Variants in SAMD3 observed in about 807,000 individuals in gnomAD.
The protein encoded by SAMD3 is sterile alpha motif domain-containing protein 3.
SAMD3 carries 63 observed loss-of-function variants against 58.5 expected under a neutral mutation model. That is an observed-to-expected ratio of 1.08 (90% CI 0.88 to 1.33). SAMD3 has a LOEUF of 1.33. Ranked by LOEUF, SAMD3 falls within the 40% of genes most tolerant of loss-of-function variation. The pLI, the probability that SAMD3 is intolerant of heterozygous loss-of-function variation, is 0.00. For synonymous variants in SAMD3, 220 were observed against 210.3 expected (o/e 1.05, Z -0.40); for missense variants, 604 against 608.4 (o/e 0.99, Z 0.08).
At position 130,356,552 on chromosome 6, in the gene SAMD3, G is replaced by A. The variant is rs540245799; in HGVS notation, c.-304+8568C>T. On this transcript the variant is annotated intron_variant, in intron 1 of 13. Transcript: ENST00000368134. Reference sequence around the variant, plus strand: ...ATATGTAATTATTATCTGCCCCTCCGGCATCTAAGTCATTAAGGGTGAAGA... The same window carrying A: ...ATATGTAATTATTATCTGCCCCTCCAGCATCTAAGTCATTAAGGGTGAAGA... 2.2e-4 allele frequency among the ~76,000 whole-genome samples: 33 copies of A among 152,084 alleles called. No individual in the cohort carries two copies. In the East Asian group the frequency reaches 2.3e-3, roughly 11 times the overall value.
At chr6:130,270,657 A>G (rs1254011036) in intron 2 of SAMD3, among the ~76,000 whole-genome samples, 2 of 152,350 alleles carry the variant, frequency 1.3e-5, no homozygotes, top group African/African-American at 4.8e-5. Context: ...TCTCCCCAGA[A>G]TATTTTCATG....
intron 2 of SAMD3, among the ~76,000 whole-genome samples, chr6:130,257,178 T>C (rs1323444207): frequency 2.0e-5 from 3 of 150,120 alleles, no homozygotes; most frequent in Admixed American, 1.3e-4. Context: ...TCTCTCCTTA[T>C]AAGGACAGAG....
At chr6:130,165,997 A>G (rs879257985) in intron 8 of SAMD3, among the ~76,000 whole-genome samples, 9 of 152,178 alleles carry the variant, frequency 5.9e-5, no homozygotes, top group Non-Finnish European at 1.3e-4. Context: ...CAGTAAGAGC[A>G]GGATCCCTCC....
At chr6:130,323,826 G>A (rs757961035) in intron 1 of SAMD3, among the ~76,000 whole-genome samples, 4,498 of 82,964 alleles carry the variant, frequency 0.054, 4 homozygotes, top group African/African-American at 0.099. Flanking sequence ...AAAAAAAAAA[G>A]AATTTCCCAT....
chr6:130,252,669 C>T (rs1396730866), intron 2 of SAMD3, among the ~76,000 whole-genome samples: 2 of 152,126 alleles, frequency 1.3e-5, no homozygotes, highest in African/African-American at 2.4e-5. Context: ...GGGTTTCTGC[C>T]GCCTGAAGTG....
intron 2 of SAMD3, among the ~76,000 whole-genome samples, chr6:130,251,480 CTG>C (rs1280820452): frequency 6.6e-6 from 1 of 151,232 alleles, no homozygotes; most frequent in Non-Finnish European, 1.5e-5. Flanking sequence ...AATTTTTCGT[CTG>C]TTTTTTTCTA....
chr6:130,337,922 G>C (rs554876248), intron 1 of SAMD3, among the ~76,000 whole-genome samples: 102 of 152,324 alleles, frequency 6.7e-4, no homozygotes, highest in African/African-American at 2.4e-3. Context: ...TTTCTGGGAA[G>C]AAATTCAAGT....
intron 2 of SAMD3, among the ~76,000 whole-genome samples, chr6:130,310,628 C>T (rs1035657664): frequency 2.6e-5 from 4 of 152,156 alleles, no homozygotes; most frequent in South Asian, 2.1e-4. Flanking sequence ...TTTTTCCAAG[C>T]AATAAATAAT....
intron 1 of SAMD3, among the ~76,000 whole-genome samples, chr6:130,363,693 A>G (rs1778050818): frequency 6.6e-6 from 1 of 152,180 alleles, no homozygotes; most frequent in Admixed American, 6.5e-5. Flanking sequence ...CTCTGTTAGT[A>G]GGTGGTGGAG....
At chr6:130,305,094 C>T (rs1406652180) in intron 2 of SAMD3, among the ~76,000 whole-genome samples, 4 of 151,836 alleles carry the variant, frequency 2.6e-5, no homozygotes, top group Non-Finnish European at 5.9e-5. Flanking sequence ...ATCAGCATGC[C>T]CTGCTAACTT....
At chr6:130,354,605 T>C (rs1348426532) in intron 1 of SAMD3, among the ~76,000 whole-genome samples, 1 of 152,050 alleles carries the variant, frequency 6.6e-6, no homozygotes, top group African/African-American at 2.4e-5. Context: ...TTCTCACTTA[T>C]AAGTGGGAGC....
At chr6:130,173,250 TGGA>T (rs758113559) in intron 8 of SAMD3, among the ~76,000 whole-genome samples, 30 of 152,230 alleles carry the variant, frequency 2.0e-4, no homozygotes, top group Non-Finnish European at 3.2e-4. Flanking sequence ...TGCTGTCATT[TGGA>T]GGAGAAGAGG....
intron 1 of SAMD3, among the ~76,000 whole-genome samples, chr6:130,348,301 T>A (rs566215610): frequency 7.9e-5 from 12 of 152,222 alleles, no homozygotes; most frequent in African/African-American, 2.9e-4. Flanking sequence ...TAAAGAGTCA[T>A]GACCCATCAG....
chr6:130,254,318 C>T (rs74395395), intron 2 of SAMD3, among the ~76,000 whole-genome samples: 13 of 151,952 alleles, frequency 8.6e-5, no homozygotes, highest in South Asian at 2.1e-4. Flanking sequence ...CTCAGCCTCC[C>T]GAGTAGCTGG....
intron 5 of SAMD3, among the ~76,000 whole-genome samples, chr6:130,188,503 C>G (rs1793215228): frequency 6.6e-6 from 1 of 152,180 alleles, no homozygotes; most frequent in South Asian, 2.1e-4. Flanking sequence ...AAGATGTGGA[C>G]ACTTCACTGG....
chr6:130,270,926 G>A (rs528006615), intron 2 of SAMD3, among the ~76,000 whole-genome samples: 1 of 152,168 alleles, frequency 6.6e-6, no homozygotes, highest in South Asian at 2.1e-4. Flanking sequence ...CAAAGGATGT[G>A]CACATTTTAA....
At chr6:130,314,060 C>T (rs967474787) in intron 1 of SAMD3, among the ~76,000 whole-genome samples, 4 of 152,030 alleles carry the variant, frequency 2.6e-5, no homozygotes, top group African/African-American at 4.8e-5. Context: ...TAATCTGCTA[C>T]GTGTAGCCAG....
intron 5 of SAMD3, among the ~76,000 whole-genome samples, chr6:130,196,446 G>A (rs1196594641): frequency 3.0e-4 from 45 of 152,054 alleles, no homozygotes; most frequent in South Asian, 2.1e-4. Context: ...TCCACCTGAC[G>A]TTCACCCCAT....
chr6:130,210,099 C>A (rs1795401306), intron 4 of SAMD3, among the ~76,000 whole-genome samples: 1 of 152,200 alleles, frequency 6.6e-6, no homozygotes, highest in African/African-American at 2.4e-5. Flanking sequence ...GGCAGAGCAA[C>A]TCCTGGTGAG....
Sources: gnomAD v4.1 joint callset for allele counts (sites outside exome capture counted in the v4.1 genomes callset) on GRCh38, gnomAD v4.1.1 for gene constraint, MANE v1.5 for transcripts, NCBI Gene and HGNC (gene_info 2026-07-23, HGNC 2026-07-21) for gene names.